Variants in TMCC1 observed in about 807,000 individuals in gnomAD.
The protein encoded by TMCC1 is transmembrane and coiled-coil domain family 1.
In TMCC1, 15 loss-of-function variants were observed where a neutral mutation model predicts 52.4. The ratio of observed to expected loss-of-function variants is 0.29; its 90% CI spans 0.19 to 0.44. The LOEUF (loss-of-function observed/expected upper bound fraction) is 0.44. Among genes scored for constraint, TMCC1 ranks in the 20% least tolerant of loss-of-function variants. The pLI, the probability that TMCC1 is intolerant of heterozygous loss-of-function variation, is 1.00. For missense variants in TMCC1, 503 were observed against 806.0 expected (o/e 0.62, Z 4.55); for synonymous variants, 279 against 301.9 (o/e 0.92, Z 0.79).
intron 4 of TMCC1, among the ~76,000 whole-genome samples, chr3:129,815,832 A>G (rs1180808929): frequency 1.3e-5 from 2 of 152,208 alleles, no homozygotes; most frequent in African/African-American, 4.8e-5. Flanking sequence ...GGGAGAAAAT[A>G]TTTACAAACT....
At chr3:129,696,710 T>C (rs1257517075) in intron 4 of TMCC1, among the ~76,000 whole-genome samples, 2 of 152,166 alleles carry the variant, frequency 1.3e-5, no homozygotes, top group Non-Finnish European at 2.9e-5. Flanking sequence ...ACTTCCTAGA[T>C]ACAATGGGGG....
intron 4 of TMCC1, among the ~76,000 whole-genome samples, chr3:129,761,100 C>A (rs570576460): frequency 4.0e-5 from 6 of 150,068 alleles, no homozygotes; most frequent in African/African-American, 1.5e-4. Flanking sequence ...TCGAGGCGGG[C>A]GGATCACGAG....
intron 4 of TMCC1, among the ~76,000 whole-genome samples, chr3:129,766,620 TG>T (rs1314005816): frequency 3.9e-5 from 6 of 152,124 alleles, no homozygotes; most frequent in East Asian, 1.9e-4. Context: ...GGTTTTGTTT[TG>T]TTTTTTTGTT....
At chr3:129,664,339 T>C (rs2087280343) in intron 5 of TMCC1, among the ~76,000 whole-genome samples, 1 of 152,216 alleles carries the variant, frequency 6.6e-6, no homozygotes, top group African/African-American at 2.4e-5. Flanking sequence ...TGTCCAATGA[T>C]GGTCAAATCA....
chr3:129,750,903 A>G (rs888797779), intron 4 of TMCC1, among the ~76,000 whole-genome samples: 1 of 150,916 alleles, frequency 6.6e-6, no homozygotes, highest in Admixed American at 6.6e-5. Context: ...ATTTTACATA[A>G]GAATTAAGAA....
intron 4 of TMCC1, among the ~76,000 whole-genome samples, chr3:129,810,984 G>T (rs186457379): frequency 6.6e-6 from 1 of 152,246 alleles, no homozygotes; most frequent in East Asian, 1.9e-4. Flanking sequence ...CCTATCCTAT[G>T]GTAAAATGGT....
chr3:129,761,122 G>A (rs534719652), intron 4 of TMCC1, among the ~76,000 whole-genome samples: 2 of 151,378 alleles, frequency 1.3e-5, no homozygotes, highest in African/African-American at 4.8e-5. Context: ...TCGGGGGATC[G>A]AGACCATCCT....
At chr3:129,706,773 G>A (rs1458037958) in intron 4 of TMCC1, among the ~76,000 whole-genome samples, 1 of 152,140 alleles carries the variant, frequency 6.6e-6, no homozygotes, top group African/African-American at 2.4e-5. Flanking sequence ...ACAAGACAAA[G>A]TCATTTCCTT....
chr3:129,778,682 G>GGC (rs973509081), intron 4 of TMCC1, among the ~76,000 whole-genome samples: 4 of 150,428 alleles, frequency 2.7e-5, no homozygotes, highest in African/African-American at 9.8e-5. Flanking sequence ...GGTGGGGGGG[G>GGC]GGCAGTCTCC....
intron 4 of TMCC1, among the ~76,000 whole-genome samples, chr3:129,676,858 G>C (rs2088494258): frequency 6.6e-6 from 1 of 152,124 alleles, no homozygotes; most frequent in Non-Finnish European, 1.5e-5. Context: ...GATGTATTAA[G>C]TCAGATGATG....
chr3:129,719,244 T>C (rs918746656), intron 4 of TMCC1, among the ~76,000 whole-genome samples: 7 of 152,174 alleles, frequency 4.6e-5, no homozygotes, highest in Non-Finnish European at 8.8e-5. Context: ...ACCCACATAA[T>C]GAAGTTTCCA....
At position 129,698,211 on chromosome 3, in the gene TMCC1, C is replaced by T. The variant is rs538230773; in HGVS notation, c.577-26947G>A. Among the ~76,000 whole-genome samples, 5 of 152,192 alleles carry T rather than the reference C, an allele frequency of 3.3e-5. No individual in the cohort carries two copies. The South Asian group carries it at 1.0e-3, about 32-fold the overall frequency. Reference sequence around the variant, plus strand: ...TCATAGTTCCACATGGCTGGGGAGGCCTCACAATCATGGTGGAAGGCGAAG... The same window carrying T: ...TCATAGTTCCACATGGCTGGGGAGGTCTCACAATCATGGTGGAAGGCGAAG... On this transcript the variant is annotated intron_variant, in intron 4 of 6. Coordinates refer to ENST00000393238, the MANE Select transcript of TMCC1 (RefSeq NM_001017395.5).
At chr3:129,871,726 T>C (rs994513030) in intron 2 of TMCC1, among the ~76,000 whole-genome samples, 5 of 151,980 alleles carry the variant, frequency 3.3e-5, no homozygotes, top group Non-Finnish European at 5.9e-5. Flanking sequence ...AAAAAAACTG[T>C]TAGGATGTTG....
At chr3:129,790,643 G>C (rs13324610) in intron 4 of TMCC1, among the ~76,000 whole-genome samples, 63 of 152,256 alleles carry the variant, frequency 4.1e-4, no homozygotes, top group Non-Finnish European at 7.2e-4. Flanking sequence ...CAGAGTGCAG[G>C]CCAGAGTAAT....
intron 4 of TMCC1, among the ~76,000 whole-genome samples, chr3:129,822,138 A>AT (rs1468604087): frequency 1.4e-4 from 22 of 152,200 alleles, no homozygotes; most frequent in African/African-American, 4.8e-4. Flanking sequence ...TTTTGTTATT[A>AT]TTTTGTTTAG....
At chr3:129,696,492 T>A (rs1351755877) in intron 4 of TMCC1, among the ~76,000 whole-genome samples, 1 of 152,242 alleles carries the variant, frequency 6.6e-6, no homozygotes, top group African/African-American at 2.4e-5. Context: ...GGCTGTGTCA[T>A]GGGCCATGGT....
chr3:129,826,436 A>T (rs2058664242), intron 4 of TMCC1, among the ~76,000 whole-genome samples: 1 of 151,592 alleles, frequency 6.6e-6, no homozygotes, highest in South Asian at 2.1e-4. Context: ...GAGTCTGGGG[A>T]GGTTAAGGCT....
chr3:129,864,028 T>C (rs1230115585), intron 2 of TMCC1, among the ~76,000 whole-genome samples: 4 of 152,204 alleles, frequency 2.6e-5, no homozygotes, highest in Admixed American at 1.3e-4. Context: ...AAAGAAGTTA[T>C]CGGGTTCATG....
At chr3:129,802,279 T>C (rs1338019454) in intron 4 of TMCC1, among the ~76,000 whole-genome samples, 1 of 152,212 alleles carries the variant, frequency 6.6e-6, no homozygotes, top group Non-Finnish European at 1.5e-5. Context: ...GTCCAAAATA[T>C]TACACCTATG....
Sources: gnomAD v4.1 joint callset for allele counts (sites outside exome capture counted in the v4.1 genomes callset) on GRCh38, gnomAD v4.1.1 for gene constraint, MANE v1.5 for transcripts, NCBI Gene and HGNC (gene_info 2026-07-23, HGNC 2026-07-21) for gene names.